Variants in TAB2 observed in about 807,000 individuals in gnomAD.
The protein encoded by TAB2 is TGF-beta-activated kinase 1 and MAP3K7-binding protein 2.
In TAB2, 3 loss-of-function variants were observed where a neutral mutation model predicts 65.0. That is an observed-to-expected ratio of 0.05 (90% confidence interval 0.02 to 0.12). TAB2 has a LOEUF of 0.12. Among genes scored for constraint, TAB2 ranks in the 10% least tolerant of loss-of-function variants. The pLI is 1.00. For missense variants in TAB2, 623 were observed against 840.3 expected (o/e 0.74, Z 3.20); for synonymous variants, 298 against 285.1 (o/e 1.05, Z -0.46).
chr6:149,222,523 CA>C (rs1357173502), intron 1 of TAB2, among the ~76,000 whole-genome samples: 1 of 150,848 alleles, frequency 6.6e-6, no homozygotes, highest in Non-Finnish European at 1.5e-5. Context: ...GAGGCTGAGG[CA>C]GGAGAATTGT....
At chr6:149,379,629 GC>G (rs1342089411) in intron 3 of TAB2, 111 bp downstream of exon 3, 1 of 986,348 alleles carries the variant, frequency 1.0e-6, no homozygotes, top group Non-Finnish European at 1.6e-6. Flanking sequence ...TTTAAATATT[GC>G]CCCAAATGAT....
At chr6:149,293,746 A>C (rs75868651) in intron 1 of TAB2, among the ~76,000 whole-genome samples, 6,527 of 152,318 alleles carry the variant, frequency 0.043, 439 homozygotes, top group African/African-American at 0.14. Flanking sequence ...GATATCTTCC[A>C]AAATGTTGTT....
chr6:149,405,964 TAAG>T (rs1782651281), intron 6 of TAB2, among the ~76,000 whole-genome samples: 1 of 152,208 alleles, frequency 6.6e-6, no homozygotes, highest in Non-Finnish European at 1.5e-5. Flanking sequence ...TTGATTGTAA[TAAG>T]TTTTTCACAG....
intron 1 of TAB2, among the ~76,000 whole-genome samples, chr6:149,285,400 G>A (rs1422294618): frequency 2.6e-5 from 4 of 152,116 alleles, no homozygotes; most frequent in Admixed American, 2.6e-4. Flanking sequence ...TCCTTAGAGG[G>A]GAGTGGTCTC....
intron 1 of TAB2, among the ~76,000 whole-genome samples, chr6:149,355,169 AT>A (rs1780616560): frequency 6.6e-6 from 1 of 152,006 alleles, no homozygotes; most frequent in African/African-American, 2.4e-5. Flanking sequence ...CCAATTTAAA[AT>A]TTTCCCCAGT....
chr6:149,389,306 A>G (rs1041156250), intron 3 of TAB2, among the ~76,000 whole-genome samples: 1 of 151,724 alleles, frequency 6.6e-6, no homozygotes, highest in Non-Finnish European at 1.5e-5. Flanking sequence ...ACCATATTGA[A>G]CTGGTCTCAT....
At chr6:149,295,111 G>T (rs892336270) in intron 1 of TAB2, among the ~76,000 whole-genome samples, 10 of 152,168 alleles carry the variant, frequency 6.6e-5, no homozygotes, top group African/African-American at 2.4e-4. Context: ...TTGAGTGGAG[G>T]TTATGGTGGA....
intron 1 of TAB2, among the ~76,000 whole-genome samples, chr6:149,347,932 G>A (rs1780357580): frequency 6.6e-6 from 1 of 152,034 alleles, no homozygotes; most frequent in South Asian, 2.1e-4. Context: ...TGTTCATTGA[G>A]GTCAAAAGGT....
chr6:149,374,053 A>G (rs140300146), intron 2 of TAB2, among the ~76,000 whole-genome samples: 1 of 152,308 alleles, frequency 6.6e-6, no homozygotes, highest in Non-Finnish European at 1.5e-5. Context: ...TAATGATACT[A>G]AAAATAAATC....
intron 3 of TAB2, among the ~76,000 whole-genome samples, chr6:149,380,779 G>A (rs959594619): frequency 1.3e-5 from 2 of 152,204 alleles, no homozygotes; most frequent in African/African-American, 4.8e-5. Flanking sequence ...AGCCCCTACT[G>A]TCACTAATAT....
intron 1 of TAB2, among the ~76,000 whole-genome samples, chr6:149,271,259 T>G (rs1778357922): frequency 6.6e-6 from 1 of 152,146 alleles, no homozygotes; most frequent in African/African-American, 2.4e-5. Context: ...TGACTGTGTT[T>G]GGAAACTCCT....
chr6:149,275,300 G>GAAAGAAAGAAAA (rs1223068467), intron 1 of TAB2, among the ~76,000 whole-genome samples: 9,786 of 127,902 alleles, frequency 0.077, 1,284 homozygotes, highest in East Asian at 0.13. Flanking sequence ...AAGAAAGAAA[G>GAAAGAAAGAAAA]AGAAAAAAGA....
At chr6:149,258,675 T>A (rs1003667352) in intron 1 of TAB2, among the ~76,000 whole-genome samples, 1 of 152,240 alleles carries the variant, frequency 6.6e-6, no homozygotes, top group African/African-American at 2.4e-5. Context: ...CTCTTTTCAG[T>A]CTGATAAAGA....
chr6:149,400,059 A>G (rs2114949997), intron 6 of TAB2, among the ~76,000 whole-genome samples: 1 of 152,382 alleles, frequency 6.6e-6, no homozygotes, highest in South Asian at 2.1e-4. Context: ...GAGGAGCAAA[A>G]CAGTTGTCAA....
In TAB2 at chr6:149,340,934, C is replaced by A. The variant is rs371704930; in HGVS notation, c.-90+22919C>A. Among the ~76,000 whole-genome samples the A allele has an allele frequency of 3.9e-5, 6 of 152,012 alleles. No individual in the cohort carries two copies. The South Asian group carries it at 1.0e-3, about 26-fold the overall frequency. ...AATTTTAGAGAGGGTGTAATCTGAT[C>A]TTTGAGCCATATTTGGTAAATAATA... On this transcript the variant is annotated intron_variant, in intron 1 of 6. Coordinates refer to ENST00000637181, the MANE Select transcript of TAB2 (RefSeq NM_001292034.3).
intron 1 of TAB2, among the ~76,000 whole-genome samples, chr6:149,229,729 A>C (rs1777363579): frequency 6.6e-6 from 1 of 152,096 alleles, no homozygotes; most frequent in Admixed American, 6.6e-5. Flanking sequence ...GGTCAGTGAG[A>C]CTGAACCCTT....
At position 149,254,115 on chromosome 6, in the gene TAB2, AC is replaced by A. The variant is rs1291406988; in HGVS notation, c.-121+35340del. Among the ~76,000 whole-genome samples the A allele has an allele frequency of 3.9e-3, 536 of 135,872 alleles. 2 individuals are homozygous for A. Among genetic ancestry groups the A allele is most frequent in the East Asian group, 0.019 (86 of 4,522 alleles). The allele number at this position is 135,872 out of a possible 152,430, so 89.1% of individuals were successfully genotyped here. A position where few individuals can be genotyped will look rare whatever the true frequency, so the allele number is the denominator to read the frequency against. ...GAAGGAAGGAAGGAAGGAAGGAAGG[AC>A]AGGGAAGGGAAGGGAAAGGAAAGGA... On this transcript the variant is annotated intron_variant, in intron 1 of 1. Transcript: ENST00000606202.
At chr6:149,384,277 C>G (rs1396587053) in intron 3 of TAB2, among the ~76,000 whole-genome samples, 1 of 151,994 alleles carries the variant, frequency 6.6e-6, no homozygotes, top group African/African-American at 2.4e-5. Context: ...TTTTAATCTA[C>G]CATTTGAAAT....
At chr6:149,268,290 G>A (rs1778300284) in intron 1 of TAB2, among the ~76,000 whole-genome samples, 1 of 152,174 alleles carries the variant, frequency 6.6e-6, no homozygotes, top group Non-Finnish European at 1.5e-5. Context: ...CATCCCATTA[G>A]CATTCCAGCA....
Sources: gnomAD v4.1 joint callset for allele counts (sites outside exome capture counted in the v4.1 genomes callset) on GRCh38, gnomAD v4.1.1 for gene constraint, MANE v1.5 for transcripts, NCBI Gene and HGNC (gene_info 2026-07-23, HGNC 2026-07-21) for gene names.